Variants in RANBP17 observed in about 807,000 individuals in gnomAD.
RANBP17 encodes the protein RAN binding protein 17, also known as ran-binding protein 17.
A neutral mutation model predicts 141.2 loss-of-function variants in RANBP17; 158 were observed. The observed-to-expected ratio is 1.12, with a 90% confidence interval of 0.98 to 1.28. The LOEUF (loss-of-function observed/expected upper bound fraction) is 1.28, where lower values mean the gene tolerates loss of function less well. RANBP17 is among the 50% of genes most tolerant of loss of function. RANBP17 has a pLI of 0.00. For missense variants in RANBP17, 1,438 were observed against 1,290.7 expected (o/e 1.11, Z -1.75); for synonymous variants, 430 against 450.0 (o/e 0.96, Z 0.56).
intron 21 of RANBP17, 39 bp downstream of exon 21, chr5:171,213,777 A>G (rs1763054693): frequency 2.1e-6 from 3 of 1,401,728 alleles, no homozygotes; most frequent in Non-Finnish European, 3.0e-6. Context: ...ACAGTCTACT[A>G]TTAGCGGAAA....
chr5:170,880,899 C>T (rs1180556444), intron 2 of RANBP17, among the ~76,000 whole-genome samples: 1 of 152,130 alleles, frequency 6.6e-6, no homozygotes, highest in Non-Finnish European at 1.5e-5. Context: ...GTTGTAGCTA[C>T]CTCACTGTGG....
In RANBP17 at chr5:170,930,653, A is replaced by G. The variant is rs548537565; in HGVS notation, c.1468+6103A>G. ...TCAGTTCCCACCTATGAGTGAGAACATGCCGTGTTTGGTTTTCTGTCCTTG... is the reference window on the plus strand; with the variant it reads ...TCAGTTCCCACCTATGAGTGAGAACGTGCCGTGTTTGGTTTTCTGTCCTTG... On this transcript the variant is annotated intron_variant, in intron 12 of 27. Transcript: ENST00000523189. Among the ~76,000 whole-genome samples the G allele has an allele frequency of 6.2e-4, 95 of 152,246 alleles. 1 individual carries two copies. Among genetic ancestry groups the G allele is most frequent in the Non-Finnish European group, 2.2e-4 (15 of 68,022 alleles).
chr5:171,264,966 C>A (rs1044375873), intron 24 of RANBP17, among the ~76,000 whole-genome samples: 1 of 152,230 alleles, frequency 6.6e-6, no homozygotes, highest in East Asian at 1.9e-4. Context: ...ATCCGTCCCT[C>A]AAAATCCTCA....
chr5:170,865,125 G>T (rs1362272384), intron 1 of RANBP17, among the ~76,000 whole-genome samples: 1 of 152,020 alleles, frequency 6.6e-6, no homozygotes, highest in Non-Finnish European at 1.5e-5. Context: ...TGCAGTGGTG[G>T]AATCTCGGCT....
intron 12 of RANBP17, among the ~76,000 whole-genome samples, chr5:170,947,364 C>G (rs1386069420): frequency 1.3e-5 from 2 of 151,912 alleles, no homozygotes; most frequent in African/African-American, 4.8e-5. Context: ...ACAAAACAGA[C>G]AAAAATACCT....
At chr5:170,920,577 T>G (rs1197950820) in intron 11 of RANBP17, among the ~76,000 whole-genome samples, 2 of 152,070 alleles carry the variant, frequency 1.3e-5, no homozygotes, top group African/African-American at 4.8e-5. Context: ...TTCTGTTATG[T>G]ATTTGCAAAT....
At chr5:171,078,464 C>G (rs1169214537) in intron 14 of RANBP17, among the ~76,000 whole-genome samples, 1 of 152,174 alleles carries the variant, frequency 6.6e-6, no homozygotes, top group Non-Finnish European at 1.5e-5. Flanking sequence ...CTCAAAACAA[C>G]AGATTTTCAA....
intron 22 of RANBP17, among the ~76,000 whole-genome samples, chr5:171,236,320 A>T (rs1370407349): frequency 6.6e-6 from 1 of 152,212 alleles, no homozygotes; most frequent in Admixed American, 6.5e-5. Flanking sequence ...CCAAGAAATA[A>T]CATTGTTTAT....
At chr5:171,236,730 C>A (rs1244916271) in intron 22 of RANBP17, among the ~76,000 whole-genome samples, 1 of 152,052 alleles carries the variant, frequency 6.6e-6, no homozygotes, top group East Asian at 1.9e-4. Context: ...CTCCTTTACT[C>A]CACGTAAGAG....
At position 170,914,100 on chromosome 5, in the gene RANBP17, A is replaced by G. The variant is rs1771752228; in HGVS notation, c.761-67A>G. On this transcript the variant is annotated intron_variant, in intron 7 of 27. Transcript: ENST00000523189. ...CCTTGGATTTCTCAGTTTGTGTGAT[A>G]TTGTCTTACTTTGTTAAGATCACTG... 4.7e-6 allele frequency: 5 copies of G among 1,055,218 alleles called. No individual in the cohort carries two copies. The Admixed American group carries it at 5.3e-5, about 11-fold the overall frequency. 65.4% of individuals were successfully genotyped at this position (1,055,218 alleles called of 1,614,324 possible). A position where few individuals can be genotyped will look rare whatever the true frequency, so the allele number is the denominator to read the frequency against.
intron 12 of RANBP17, among the ~76,000 whole-genome samples, chr5:170,945,686 G>A (rs1468194512): frequency 6.6e-6 from 1 of 152,040 alleles, no homozygotes; most frequent in Non-Finnish European, 1.5e-5. Context: ...TTTCAGGTAG[G>A]CATGTTTTAT....
At chr5:171,296,372 A>G (rs546491457) in intron 27 of RANBP17, among the ~76,000 whole-genome samples, 7 of 152,332 alleles carry the variant, frequency 4.6e-5, no homozygotes, top group African/African-American at 1.7e-4. Flanking sequence ...TTGAACAAAC[A>G]TAGGCCTTGA....
At chr5:171,251,773 C>G (rs1180188100) in intron 24 of RANBP17, 6 of 1,049,754 alleles carry the variant, frequency 5.7e-6, no homozygotes, top group Non-Finnish European at 4.4e-6. Context: ...CCGCGCCCGC[C>G]CCCGCCTCTG....
chr5:171,000,789 A>C (rs1779149909), intron 14 of RANBP17, among the ~76,000 whole-genome samples: 1 of 152,108 alleles, frequency 6.6e-6, no homozygotes, highest in African/African-American at 2.4e-5. Context: ...TACATTCTCA[A>C]GGGTGGGGAG....
chr5:171,016,871 T>C (rs906256647), intron 14 of RANBP17, among the ~76,000 whole-genome samples: 13 of 151,926 alleles, frequency 8.6e-5, no homozygotes, highest in African/African-American at 2.7e-4. Context: ...TTGCTGCACC[T>C]ATTGACCCGT....
At chr5:171,213,258 A>G (rs1200298627) in intron 20 of RANBP17, among the ~76,000 whole-genome samples, 1 of 152,210 alleles carries the variant, frequency 6.6e-6, no homozygotes, top group African/African-American at 2.4e-5. Flanking sequence ...ACTCAAATAT[A>G]TTTTTATCCT....
At chr5:171,019,416 A>C (rs1024484851) in intron 14 of RANBP17, among the ~76,000 whole-genome samples, 1 of 152,112 alleles carries the variant, frequency 6.6e-6, no homozygotes. Flanking sequence ...TAGGCTATGA[A>C]TTACTGCCTA....
chr5:171,014,912 A>G (rs1424325099), intron 14 of RANBP17, among the ~76,000 whole-genome samples: 1 of 152,054 alleles, frequency 6.6e-6, no homozygotes, highest in Admixed American at 6.6e-5. Context: ...CTGTTTTGGA[A>G]GATGTTAACA....
intron 14 of RANBP17, among the ~76,000 whole-genome samples, chr5:171,035,704 T>A (rs1163417119): frequency 6.6e-6 from 1 of 151,032 alleles, no homozygotes; most frequent in African/African-American, 2.4e-5. Flanking sequence ...TCTGAACTTT[T>A]AGCCATTGTT....
Sources: allele counts gnomAD v4.1 joint callset (sites outside exome capture counted in the v4.1 genomes callset), GRCh38; gene constraint gnomAD v4.1.1; transcripts MANE v1.5; gene names NCBI Gene and HGNC (gene_info 2026-07-23, HGNC 2026-07-21).